The following MYO1B variants were observed in gnomAD, a reference collection of about 807,000 sequenced individuals.
MYO1B encodes myosin IB, also known as unconventional myosin-Ib.
A neutral mutation model predicts 159.7 loss-of-function variants in MYO1B; 72 were observed. The observed-to-expected ratio is 0.45, with a 90% CI of 0.37 to 0.55. The LOEUF is 0.55. MYO1B is among the 20% of genes least tolerant of loss of function. MYO1B has a pLI of 0.00. For synonymous variants in MYO1B, 468 were observed against 473.8 expected (o/e 0.99, Z 0.16); for missense variants, 1,062 against 1,364.8 (o/e 0.78, Z 3.50).
intron 13 of MYO1B, among the ~76,000 whole-genome samples, chr2:191,375,379 C>T (rs1360947934): frequency 6.6e-6 from 1 of 151,944 alleles, no homozygotes; most frequent in Non-Finnish European, 1.5e-5. Context: ...TCATTTGGTC[C>T]TTCTTATGCT....
chr2:191,401,659 T>C (rs1696624261), intron 23 of MYO1B: 1 of 152,232 alleles, frequency 6.6e-6, no homozygotes, highest in Non-Finnish European at 1.5e-5. Flanking sequence ...GTCAATGTTG[T>C]AAGCCTATCT....
chr2:191,288,243 TAA>T lies in MYO1B; in HGVS notation c.136-7855_136-7854del, dbSNP rs5837228. On this transcript the variant is annotated intron_variant, in intron 2 of 30. Coordinates refer to ENST00000392318, the MANE Select transcript of MYO1B (RefSeq NM_001130158.3). ...ATATTTTGAAGAAGATAGCTTAGCT[TAA>T]AAAAAAAAAAAAGAAGAAAGAAAGG... Among the ~76,000 whole-genome samples the T allele has an allele frequency of 8.9e-3, 1,295 of 144,914 alleles. 7 individuals are homozygous for T. Among genetic ancestry groups the T allele is most frequent in the African/African-American group, 0.018 (698 of 39,608 alleles).
At chr2:191,369,951 G>T (rs528068217) in intron 12 of MYO1B, among the ~76,000 whole-genome samples, 10 of 152,052 alleles carry the variant, frequency 6.6e-5, no homozygotes, top group Admixed American at 3.3e-4. Context: ...TACTTCACTA[G>T]GTCATGATCT....
At chr2:191,384,069 A>G (rs1379475470) in intron 15 of MYO1B, among the ~76,000 whole-genome samples, 2 of 152,182 alleles carry the variant, frequency 1.3e-5, no homozygotes, top group Non-Finnish European at 2.9e-5. Context: ...GTATGTGCAT[A>G]TGCAAAAAGG....
At chr2:191,335,610 T>C (rs1691778007) in intron 4 of MYO1B, among the ~76,000 whole-genome samples, 1 of 152,190 alleles carries the variant, frequency 6.6e-6, no homozygotes, top group South Asian at 2.1e-4. Context: ...CATGTGTTCA[T>C]TAAAAATTTT....
chr2:191,337,554 C>T (rs1222696491), intron 4 of MYO1B, among the ~76,000 whole-genome samples: 1 of 152,076 alleles, frequency 6.6e-6, no homozygotes, highest in East Asian at 1.9e-4. Flanking sequence ...CTGCCATTTT[C>T]TGATGAGAAG....
At chr2:191,315,475 A>C (rs1160173514) in intron 3 of MYO1B, among the ~76,000 whole-genome samples, 3 of 152,230 alleles carry the variant, frequency 2.0e-5, no homozygotes, top group Non-Finnish European at 4.4e-5. Flanking sequence ...GAAACATAGA[A>C]AATAGATGAG....
intron 7 of MYO1B, among the ~76,000 whole-genome samples, chr2:191,354,858 T>C (rs1421620364): frequency 6.6e-6 from 1 of 152,174 alleles, no homozygotes; most frequent in Non-Finnish European, 1.5e-5. Context: ...ATCATACCTC[T>C]CGAAAGAGTG....
In MYO1B at chr2:191,307,087, T is replaced by C. The variant is rs141271801; in HGVS notation, c.251+10861T>C. On this transcript the variant is annotated intron_variant, in intron 3 of 30. Coordinates refer to ENST00000392318, the MANE Select transcript of MYO1B (RefSeq NM_001130158.3). The stretch of plus-strand genomic sequence containing the variant: ...AAAGTAAAGGAATAAAGAATGGTCA[T>C]TTCATCCCATGAACAGAGCAGCCCT... Among the ~76,000 whole-genome samples, 286 of 152,300 alleles carry C rather than the reference T, an allele frequency of 1.9e-3. 4 individuals are homozygous for C. Among genetic ancestry groups the C allele is most frequent in the South Asian group, 0.013 (65 of 4,820 alleles).
intron 4 of MYO1B, among the ~76,000 whole-genome samples, chr2:191,332,368 T>TC (rs60788197): frequency 6.6e-6 from 1 of 152,098 alleles, no homozygotes; most frequent in Non-Finnish European, 1.5e-5. Flanking sequence ...TTTTTTTTTT[T>TC]CACAGTAACT....
chr2:191,247,689 A>G (rs1685870970), intron 1 of MYO1B, among the ~76,000 whole-genome samples: 3 of 152,266 alleles, frequency 2.0e-5, no homozygotes, highest in African/African-American at 4.8e-5. Flanking sequence ...GAATTGTTTT[A>G]TAAAATACAA....
intron 1 of MYO1B, among the ~76,000 whole-genome samples, chr2:191,267,875 C>T (rs2125710532): frequency 6.6e-6 from 1 of 152,282 alleles, no homozygotes; most frequent in East Asian, 1.9e-4. Flanking sequence ...CTCTGATGGT[C>T]CTTTGCCAGT....
intron 5 of MYO1B, among the ~76,000 whole-genome samples, chr2:191,343,402 G>T (rs1347664397): frequency 6.6e-6 from 1 of 152,108 alleles, no homozygotes; most frequent in Non-Finnish European, 1.5e-5. Flanking sequence ...GTGACCCCAA[G>T]ACACACTTCC....
intron 3 of MYO1B, among the ~76,000 whole-genome samples, chr2:191,320,359 TC>T (rs2125890654): frequency 6.6e-6 from 1 of 152,274 alleles, no homozygotes; most frequent in South Asian, 2.1e-4. Flanking sequence ...TTAAAATTAT[TC>T]CCAGAATGCT....
Position 191,414,419 on chromosome 2 carries a change from A to C in MYO1B, c.3007-98A>C, listed in dbSNP as rs904876525. The C allele has an allele frequency of 6.8e-6, 8 of 1,176,428 alleles. No individual in the cohort carries two copies. The Admixed American group carries it at 8.9e-5, about 13-fold the overall frequency. The allele number at this position is 1,176,428 out of a possible 1,614,324, so 72.9% of individuals were successfully genotyped here. On this transcript the variant is annotated intron_variant, in intron 28 of 30. Transcript: ENST00000392318. ...TTGGTTTACATAGGTATGTTTGTTG[A>C]AGGATATTGGAATTTTTGCAAATAA...
At chr2:191,271,427 A>C (rs1220816545) in intron 1 of MYO1B, among the ~76,000 whole-genome samples, 1 of 152,202 alleles carries the variant, frequency 6.6e-6, no homozygotes, top group Non-Finnish European at 1.5e-5. Context: ...CAATCCCAGC[A>C]CTTTGGAACT....
intron 4 of MYO1B, among the ~76,000 whole-genome samples, chr2:191,338,292 A>G (rs986007840): frequency 6.6e-6 from 1 of 152,242 alleles, no homozygotes; most frequent in Non-Finnish European, 1.5e-5. Flanking sequence ...TATTTTTAAC[A>G]ACTTGGAAAT....
intron 3 of MYO1B, among the ~76,000 whole-genome samples, chr2:191,300,370 C>T (rs1469859703): frequency 1.3e-5 from 2 of 148,402 alleles, no homozygotes; most frequent in Non-Finnish European, 3.0e-5. Context: ...GTCGGAGTCT[C>T]GCTCGCTCTG....
rs1295669372 is a variant in MYO1B at position 191,316,970 on chromosome 2, G to A, written c.252-12965G>A. Among the ~76,000 whole-genome samples the A allele has an allele frequency of 5.3e-5, 8 of 152,358 alleles. No homozygotes were observed. In the East Asian group the frequency reaches 1.5e-3, roughly 29 times the overall value. ...GAGTGCCGCACCTCTGCAGGTTTCG[G>A]TGATTTTGTTGGTGCAGAAAACTTG... is the stretch of plus-strand genomic sequence containing the variant. On this transcript the variant is annotated intron_variant, in intron 3 of 30. Coordinates refer to ENST00000392318, the MANE Select transcript of MYO1B (RefSeq NM_001130158.3).
Sources: allele counts gnomAD v4.1 joint callset (sites outside exome capture counted in the v4.1 genomes callset), GRCh38; gene constraint gnomAD v4.1.1; transcripts MANE v1.5; gene names NCBI Gene and HGNC (gene_info 2026-07-23, HGNC 2026-07-21).